Variants in ITGA8 observed in about 807,000 individuals in gnomAD.
The protein encoded by ITGA8 is integrin subunit alpha 8.
In ITGA8, 91 loss-of-function variants were observed where a neutral mutation model predicts 142.3. That is an observed-to-expected ratio of 0.64 (90% CI 0.54 to 0.76). ITGA8 has a LOEUF of 0.76. ITGA8 is among the 30% of genes least tolerant of loss of function. ITGA8 has a pLI of 0.00. For missense variants in ITGA8, 1,406 were observed against 1,327.7 expected, an observed-to-expected ratio of 1.06 and a Z score of -0.92; for synonymous variants, 505 against 485.2, an observed-to-expected ratio of 1.04 and a Z score of -0.54.
chr10:15,554,744 TTTC>T (rs1017720564), intron 26 of ITGA8, among the ~76,000 whole-genome samples: 12 of 149,934 alleles, frequency 8.0e-5, no homozygotes, highest in East Asian at 5.8e-4. Context: ...TCTTTCTTTC[TTTC>T]TTTTTTTTTT....
chr10:15,707,668 C>T (rs1331543294), intron 2 of ITGA8, among the ~76,000 whole-genome samples: 2 of 151,768 alleles, frequency 1.3e-5, no homozygotes, highest in Non-Finnish European at 2.9e-5. Context: ...ACTAAAAATA[C>T]AAAAATTAGC....
intron 13 of ITGA8, among the ~76,000 whole-genome samples, chr10:15,630,892 G>A (rs1184106595): frequency 6.6e-6 from 1 of 151,910 alleles, no homozygotes; most frequent in Non-Finnish European, 1.5e-5. Flanking sequence ...ATCTCATTAT[G>A]GTATTGAATG....
At chr10:15,620,687 G>A (rs145548152) in intron 13 of ITGA8, among the ~76,000 whole-genome samples, 5 of 152,192 alleles carry the variant, frequency 3.3e-5, no homozygotes, top group African/African-American at 9.7e-5. Flanking sequence ...GATCTCTCCA[G>A]GGGAGGAGAA....
chr10:15,519,126 T>C lies in ITGA8; in HGVS notation c.3105+164A>G, dbSNP rs1432609561. 3.3e-5 allele frequency among the ~76,000 whole-genome samples: 5 copies of C among 152,330 alleles called. No individual in the cohort carries two copies. In the East Asian group the frequency reaches 9.6e-4, roughly 29 times the overall value. ...ATGTCAGCTATATAAACATATTAAG[T>C]ATGCCAAAGCAAACAAGACACGATT... is the stretch of plus-strand genomic sequence containing the variant. On this transcript the variant is annotated intron_variant, in intron 29 of 29. Transcript: ENST00000378076.
At chr10:15,607,936 T>C in intron 16 of ITGA8, 105 bp from the exon 17 acceptor site, 1 of 983,216 alleles carries the variant, frequency 1.0e-6, no homozygotes, top group South Asian at 1.5e-5. Flanking sequence ...ACAGTTCTTT[T>C]TCATAGTTGA....
At chr10:15,522,964 C>G (rs1833097953) in intron 28 of ITGA8, among the ~76,000 whole-genome samples, 1 of 151,926 alleles carries the variant, frequency 6.6e-6, no homozygotes, top group African/African-American at 2.4e-5. Context: ...TTGCAGTGAG[C>G]CAAGATGGTG....
chr10:15,630,646 C>A (rs1833667998), intron 13 of ITGA8, among the ~76,000 whole-genome samples: 2 of 151,904 alleles, frequency 1.3e-5, no homozygotes, highest in African/African-American at 2.4e-5. Flanking sequence ...CACAGAGAGA[C>A]TCTGAGGCAG....
intron 13 of ITGA8, among the ~76,000 whole-genome samples, chr10:15,630,270 T>A (rs2131633041): frequency 6.6e-6 from 1 of 152,234 alleles, no homozygotes; most frequent in East Asian, 1.9e-4. Flanking sequence ...GTTAAAGATA[T>A]GAGCAACAAT....
chr10:15,642,731 C>T (rs1040447295), intron 13 of ITGA8, among the ~76,000 whole-genome samples: 2 of 152,140 alleles, frequency 1.3e-5, no homozygotes, highest in African/African-American at 4.8e-5. Context: ...TATGACGTCT[C>T]CATTAGTGTC....
At chr10:15,541,993 A>G (rs1224153833) in intron 27 of ITGA8, among the ~76,000 whole-genome samples, 2 of 152,168 alleles carry the variant, frequency 1.3e-5, no homozygotes, top group African/African-American at 2.4e-5. Context: ...GGCGAGCAGG[A>G]GGCTGTTGTG....
At chr10:15,561,404 GTTC>G (rs1833978967) in intron 25 of ITGA8, among the ~76,000 whole-genome samples, 1 of 151,514 alleles carries the variant, frequency 6.6e-6, no homozygotes. Context: ...AGCATTTAGC[GTTC>G]TTAACATAAA....
intron 20 of ITGA8, among the ~76,000 whole-genome samples, chr10:15,599,933 C>A (rs1833075065): frequency 6.6e-6 from 1 of 151,914 alleles, no homozygotes; most frequent in Non-Finnish European, 1.5e-5. Flanking sequence ...AAAAACAAAA[C>A]AAAACCAAAA....
intron 6 of ITGA8, 56 bp from the exon 7 acceptor site, chr10:15,672,805 A>G: frequency 2.7e-6 from 4 of 1,495,128 alleles, no homozygotes; most frequent in Middle Eastern, 3.6e-4. Flanking sequence ...CAGGCCCTCC[A>G]TGAGCAGACC....
At position 15,558,128 on chromosome 10, in the gene ITGA8, C is replaced by G. The variant is rs767955888; in HGVS notation, c.2712G>C (p.Arg904Ser). Residue 904 changes from arginine to serine, a missense_variant, in exon 26 of 30, where the codon AGG (arginine) becomes AGC (serine). Arg to Ser is a moderately radical substitution (Grantham distance 110). Transcript: ENST00000378076. ...ATTCGACCACATGTACATCCCTCTT[C>G]CTGACAAGATGAGGAATAGTAGAGT... ...LRNSTIPHLV[R>S]KRDVHVVEFH... 20 of 1,614,098 alleles carry G rather than the reference C, an allele frequency of 1.2e-5. No homozygotes were observed. The East Asian group carries it at 4.0e-4, about 32-fold the overall frequency.
chr10:15,535,245 C>A (rs943231908), intron 27 of ITGA8, among the ~76,000 whole-genome samples: 1 of 152,072 alleles, frequency 6.6e-6, no homozygotes, highest in Non-Finnish European at 1.5e-5. Context: ...CTGTGCAGCC[C>A]GAGCCTCCCT....
At chr10:15,694,435 G>T (rs1215912753) in intron 2 of ITGA8, among the ~76,000 whole-genome samples, 1 of 128,634 alleles carries the variant, frequency 7.8e-6, no homozygotes, top group African/African-American at 2.9e-5. Context: ...TCATATATAT[G>T]ATATATCTTA....
At chr10:15,530,708 C>T (rs1286774812) in intron 28 of ITGA8, among the ~76,000 whole-genome samples, 1 of 152,154 alleles carries the variant, frequency 6.6e-6, no homozygotes, top group Non-Finnish European at 1.5e-5. Flanking sequence ...AGAATTTCTT[C>T]CCTTCTTACT....
At chr10:15,684,490 C>G (rs1834800119) in intron 3 of ITGA8, among the ~76,000 whole-genome samples, 1 of 151,962 alleles carries the variant, frequency 6.6e-6, no homozygotes, top group South Asian at 2.1e-4. Flanking sequence ...CCTGAGCCTC[C>G]CAAGTAGCTG....
chr10:15,588,235 A>G (rs12415898), intron 22 of ITGA8, among the ~76,000 whole-genome samples: 11,940 of 152,296 alleles, frequency 0.078, 840 homozygotes, highest in East Asian at 0.29. Context: ...AATTGTTCCC[A>G]TGATGCTTTT....
Sources: allele counts gnomAD v4.1 joint callset (sites outside exome capture counted in the v4.1 genomes callset), GRCh38; gene constraint gnomAD v4.1.1; transcripts MANE v1.5; gene names NCBI Gene and HGNC (gene_info 2026-07-23, HGNC 2026-07-21).